Variants in TTN observed in about 807,000 individuals in gnomAD.
The protein encoded by TTN is connectin.
In TTN, 1,525 loss-of-function variants were observed where a neutral mutation model predicts 3,223.0. The observed-to-expected ratio is 0.47, with a 90% CI of 0.45 to 0.49. The LOEUF (loss-of-function observed/expected upper bound fraction) is 0.49. TTN is among the 20% of genes least tolerant of loss of function. The pLI is 0.00. For missense variants in TTN, 40,786 were observed against 43,424.0 expected (o/e 0.94, Z 5.40); for synonymous variants, 14,094 against 15,161.0 (o/e 0.93, Z 5.17).
At chr2:178,772,392 C>T (rs1561243222) in intron 33 of TTN, among the ~76,000 whole-genome samples, 2 of 152,020 alleles carry the variant, frequency 1.3e-5, no homozygotes, top group Non-Finnish European at 2.9e-5. Flanking sequence ...AACATCTCAA[C>T]TCCTCAAAAT....
intron 52 of TTN, 41 bp downstream of exon 52, chr2:178,734,287 T>G: frequency 6.6e-7 from 1 of 1,509,790 alleles, no homozygotes; most frequent in Non-Finnish European, 8.8e-7. Flanking sequence ...AAAGCTAGTT[T>G]GACAATTTAT....
chr2:178,718,706 A>G lies in TTN; in HGVS notation c.24494T>C (p.Leu8165Pro). 1 of 1,613,278 alleles carries G rather than the reference A, an allele frequency of 6.2e-7. No individual in the cohort carries two copies. Among genetic ancestry groups the G allele is most frequent in the Non-Finnish European group, 8.5e-7 (1 of 1,179,450 alleles). ...DAGSASCTTHLFVKEPATFVK... is the reference protein window; with the variant it reads ...DAGSASCTTHPFVKEPATFVK... ...GGGAAAGAGCAAACCTTTCACAAAA[A>G]GATGTGTGGTACAGGAAGCACTGCC... Residue 8165 changes from leucine (L) to proline (P), a missense_variant, in exon 84 of 363, where the codon CTT becomes CCT. Leu to Pro is a moderately conservative substitution (Grantham distance 98, BLOSUM62 -3). Coordinates refer to ENST00000589042, the MANE Select transcript of TTN (RefSeq NM_001267550.2).
chr2:178,589,694 A>T lies in TTN; in HGVS notation c.62031T>A (p.Ile20677=). ...AGACAAATGTCTTTCCTTTATCTGC[A>T]ATGTGAAGGTTTTCAGGCTCACCTG... ...DRPGEPENLH[I]ADKGKTFVYL... The change falls in exon 304 of 363, where the codon ATT becomes ATA. Residue 20677 remains isoleucine (I), a synonymous_variant. Transcript: ENST00000589042. 1.2e-6 allele frequency: 2 copies of T among 1,613,530 alleles called. No individual in the cohort carries two copies. Among genetic ancestry groups the T allele is most frequent in the Non-Finnish European group, 1.7e-6 (2 of 1,179,598 alleles).
intron 124 of TTN, 51 bp downstream of exon 124, chr2:178,689,239 C>A (rs2071709290): frequency 1.3e-6 from 2 of 1,599,994 alleles, no homozygotes; most frequent in African/African-American, 1.4e-5. Flanking sequence ...ACAAAACTAA[C>A]AAAATCACTG....
At position 178,560,210 on chromosome 2, in the gene TTN, G is replaced by C; in HGVS notation, c.85922C>G (p.Pro28641Arg). The change falls in exon 326 of 363, where the codon CCC becomes CGC. Residue 28641 changes from proline (P) to arginine (R), a missense_variant. Pro to Arg is a moderately radical substitution (Grantham distance 103, BLOSUM62 -2). Transcript: ENST00000589042. Reference sequence around the variant, plus strand: ...CACTGGATCTTCTGCCCTAATTAAGGGAGAGGTTTCACTTGGAAGACTTAG... The same window carrying C: ...CACTGGATCTTCTGCCCTAATTAAGCGAGAGGTTTCACTTGGAAGACTTAG... The part of the protein sequence containing the change: ...AGLSLPSETS[P>R]LIRAEDPVFL... 6.2e-7 allele frequency: 1 copy of C among 1,613,700 alleles called. No individual in the cohort carries two copies. Among genetic ancestry groups the C allele is most frequent in the Non-Finnish European group, 8.5e-7 (1 of 1,179,768 alleles).
chr2:178,594,638 C>T lies in TTN; in HGVS notation c.57856G>A (p.Glu19286Lys), dbSNP rs558844442. 1 of 1,596,294 alleles carries T rather than the reference C, an allele frequency of 6.3e-7. No individual in the cohort carries two copies. The highest frequency in any genetic ancestry group is 2.2e-5 in the East Asian group (1 of 44,550). The change falls in exon 296 of 363, where the codon GAG becomes AAG. Residue 19286 changes from glutamate to lysine, a missense_variant. Physicochemically the swap from Glu to Lys is moderately conservative, Grantham distance 56. Coordinates refer to ENST00000589042, the MANE Select transcript of TTN (RefSeq NM_001267550.2). ...TTGACTTCCAGGTCTTCAGGACGCTCTGGTACAGCTGCGAATATAAGTATA... is the reference window on the plus strand; with the variant it reads ...TTGACTTCCAGGTCTTCAGGACGCTTTGGTACAGCTGCGAATATAAGTATA... ...LVIREPITVP[E>K]RPEDLEVKEV...
chr2:178,728,031 TAAAGGATAC>T (rs2079657999), intron 67 of TTN, 70 bp downstream of exon 67: 1 of 1,452,886 alleles, frequency 6.9e-7, no homozygotes, highest in Non-Finnish European at 9.1e-7. Flanking sequence ...ATTTTAGCTC[TAAAGGATAC>T]AAAGGCAAGA....
In TTN at chr2:178,653,306, T is replaced by C. The variant is rs1346724536; in HGVS notation, c.38723A>G (p.Lys12908Arg). Residue 12908 changes from lysine to arginine, a missense_variant, in exon 198 of 363, where the codon AAA becomes AGA. Physicochemically the swap from Lys to Arg is conservative, Grantham distance 26. Coordinates refer to ENST00000589042, the MANE Select transcript of TTN (RefSeq NM_001267550.2). ...VPPVTVPEAP[K>R]EVVLEKKVPL... ...CACTTTCTTTTCAAGGACAACTTCT[T>C]TGGGAGCCTCTGGCACTTAAAAGAT... 6.2e-7 allele frequency: 1 copy of C among 1,611,068 alleles called. No homozygotes were observed. Among genetic ancestry groups the C allele is most frequent in the Non-Finnish European group, 8.5e-7 (1 of 1,178,988 alleles).
chr2:178,699,463 T>C (rs1488608456), intron 111 of TTN, among the ~76,000 whole-genome samples: 3 of 120,564 alleles, frequency 2.5e-5, no homozygotes, highest in East Asian at 2.7e-4. Context: ...CCAGGCCGGA[T>C]TGCAGTGGCG....
chr2:178,718,252 C>G, intron 85 of TTN, 31 bp from the exon 86 acceptor site: 3 of 1,591,292 alleles, frequency 1.9e-6, no homozygotes, highest in African/African-American at 1.3e-5. Context: ...GTCAGCAAGT[C>G]AGTCATGCCA....
chr2:178,548,828 T>G lies in TTN; in HGVS notation c.92798A>C (p.Gln30933Pro). The G allele has an allele frequency of 1.2e-6, 2 of 1,613,064 alleles. No homozygotes were observed. The highest frequency in any genetic ancestry group is 1.7e-5 in the Admixed American group (1 of 60,016). Residue 30933 changes from glutamine to proline, a missense_variant, in exon 339 of 363, where the codon CAG becomes CCG. Coordinates refer to ENST00000589042, the MANE Select transcript of TTN (RefSeq NM_001267550.2). This position sits in a 1 kb window ranked among gnomAD's most constrained non-coding sequence, Gnocchi z 4.3. ...PELDIDANFK[Q>P]THVVRAGASI... ...GGCCCCAGCTCTAACAACATGAGTCTGTTTGAAGTTTGCATCTATGTCTAA... is the reference window on the plus strand; with the variant it reads ...GGCCCCAGCTCTAACAACATGAGTCGGTTTGAAGTTTGCATCTATGTCTAA...
chr2:178,765,205 A>G (rs1439215528), intron 41 of TTN, among the ~76,000 whole-genome samples: 1 of 152,194 alleles, frequency 6.6e-6, no homozygotes, highest in Non-Finnish European at 1.5e-5. Flanking sequence ...AGAGGCTCAT[A>G]TCATTCCAGT....
chr2:178,735,839 A>G lies in TTN; in HGVS notation c.14607T>C (p.Ala4869=). 6.2e-7 allele frequency: 1 copy of G among 1,613,772 alleles called. No homozygotes were observed. ...IQDRGVYSCK[A]SNKFGADICQ... The stretch of plus-strand genomic sequence containing the variant: ...AGATGTCTGCTCCAAACTTGTTGGA[A>G]GCCTTACAAGAATAAACTCCTCTAT... Residue 4869 remains alanine, a synonymous_variant, in exon 50 of 363, where the codon GCT becomes GCC. Coordinates refer to ENST00000589042, the MANE Select transcript of TTN (RefSeq NM_001267550.2).
rs1195723456 is a variant in TTN, at chr2:178,713,276, G to A, written c.26858C>T (p.Pro8953Leu). The A allele has an allele frequency of 6.2e-7, 1 of 1,609,748 alleles. No individual in the cohort carries two copies. Among genetic ancestry groups the A allele is most frequent in the South Asian group, 1.1e-5 (1 of 90,220 alleles). The change falls in exon 93 of 363, where the codon CCT becomes CTT. Residue 8953 changes from proline to leucine, a missense_variant. Coordinates refer to ENST00000589042, the MANE Select transcript of TTN (RefSeq NM_001267550.2). ...ATGGAACCAGGAGACAGAGATTGGA[G>A]GTGACCCATAGACTTTACACTCCAT... ...VVMECKVYGS[P>L]PISVSWFHEG...
Position 178,598,919 on chromosome 2 carries a change from A to G in TTN, c.56791T>C (p.Trp18931Arg). The G allele has an allele frequency of 1.2e-6, 2 of 1,613,034 alleles. No homozygotes were observed. Among genetic ancestry groups the G allele is most frequent in the South Asian group, 1.1e-5 (1 of 91,046 alleles). ...LEMKDTTSKR[W>R]KRVNRDPIKA... The stretch of plus-strand genomic sequence containing the variant: ...ATAGGATCTCGGTTAACTCTCTTCC[A>G]TCTCTTTGAAGTGGTGTCTTTCATT... The change falls in exon 291 of 363, where the codon TGG becomes CGG. Residue 18931 changes from tryptophan to arginine, a missense_variant. Physicochemically the swap from Trp to Arg is moderately radical, Grantham distance 101 (BLOSUM62 -3). Coordinates refer to ENST00000589042, the MANE Select transcript of TTN (RefSeq NM_001267550.2).
intron 109 of TTN, 86 bp from the exon 110 acceptor site, chr2:178,701,673 T>C: frequency 7.5e-7 from 1 of 1,338,128 alleles, no homozygotes; most frequent in Non-Finnish European, 1.1e-6. Context: ...TATTAGATCC[T>C]GAGATATGTC....
At chr2:178,613,584 A>G (rs2056743088) in intron 263 of TTN, among the ~76,000 whole-genome samples, 167 bp downstream of exon 263, 1 of 151,958 alleles carries the variant, frequency 6.6e-6, no homozygotes, top group Admixed American at 6.6e-5. Context: ...GTGCCCTTGA[A>G]TGGAATTTAT....
At chr2:178,799,361 C>T in intron 6 of TTN, 126 bp downstream of exon 6, 2 of 1,442,212 alleles carry the variant, frequency 1.4e-6, no homozygotes, top group Non-Finnish European at 1.9e-6. Context: ...GTTTGAGCAG[C>T]GGGACACTGA....
chr2:178,627,290 C>A (rs2059193311), intron 240 of TTN, among the ~76,000 whole-genome samples: 1 of 151,912 alleles, frequency 6.6e-6, no homozygotes, highest in Non-Finnish European at 1.5e-5. Flanking sequence ...ACAAGTTTCT[C>A]TTCATATTTC....
Sources: allele counts gnomAD v4.1 joint callset (sites outside exome capture counted in the v4.1 genomes callset), GRCh38; gene constraint gnomAD v4.1.1; non-coding constraint Gnocchi (gnomAD v3.1); transcripts MANE v1.5; gene names NCBI Gene and HGNC (gene_info 2026-07-23, HGNC 2026-07-21).